RNLS: variants seen among roughly 807,000 people sequenced by gnomAD.
RNLS encodes the protein renalase, FAD dependent amine oxidase.
A neutral mutation model predicts 39.8 loss-of-function variants in RNLS; 39 were observed. The observed-to-expected ratio is 0.98, with a 90% CI of 0.76 to 1.28. RNLS has a LOEUF of 1.28. Ranked by LOEUF, RNLS falls within the 50% of genes most tolerant of loss-of-function variation. RNLS has a pLI of 0.00. For missense variants in RNLS, 410 were observed against 413.3 expected (o/e 0.99, Z 0.07); for synonymous variants, 147 against 150.7 (o/e 0.98, Z 0.18).
At chr10:88,579,508 G>A (rs1413279750) in intron 3 of RNLS, among the ~76,000 whole-genome samples, 2 of 152,166 alleles carry the variant, frequency 1.3e-5, no homozygotes, top group East Asian at 1.9e-4. Flanking sequence ...AGGAGGGCAG[G>A]AGAAGGTCAG....
intron 5 of RNLS, among the ~76,000 whole-genome samples, chr10:88,320,818 A>G (rs1337790380): frequency 6.7e-6 from 1 of 149,340 alleles, no homozygotes; most frequent in Non-Finnish European, 1.5e-5. Context: ...TACTAGACCT[A>G]AAGAGAAGAG....
intron 4 of RNLS, among the ~76,000 whole-genome samples, chr10:88,458,268 G>T (rs1842750209): frequency 1.3e-5 from 2 of 152,236 alleles, no homozygotes; most frequent in Admixed American, 1.3e-4. Context: ...ATGTGTGGCA[G>T]AAGCATAGCA....
chr10:88,459,417 C>T (rs1842818657), intron 4 of RNLS, among the ~76,000 whole-genome samples: 2 of 152,014 alleles, frequency 1.3e-5, no homozygotes, highest in Non-Finnish European at 1.5e-5. Flanking sequence ...AATACTGGGG[C>T]TGAGAAAGAG....
chr10:88,316,747 T>G (rs1347910970), intron 5 of RNLS, among the ~76,000 whole-genome samples: 1 of 152,162 alleles, frequency 6.6e-6, no homozygotes, highest in Non-Finnish European at 1.5e-5. Flanking sequence ...AGACCTAAAG[T>G]GAAATAGTTC....
At chr10:88,553,418 A>C (rs542339602) in intron 4 of RNLS, among the ~76,000 whole-genome samples, 3 of 152,144 alleles carry the variant, frequency 2.0e-5, no homozygotes, top group Admixed American at 2.0e-4. Context: ...CTTGGCCTCA[A>C]TAGAAGGTTG....
Position 88,581,602 on chromosome 10 carries a change from A to G in RNLS, c.332T>C (p.Ile111Thr), listed in dbSNP as rs140158928. 7,639 of 1,606,080 alleles carry G rather than the reference A, an allele frequency of 4.8e-3. 24 individuals are homozygous for G. The highest frequency in any genetic ancestry group is 5.7e-3 in the Non-Finnish European group (6,732 of 1,176,446). Residue 111 changes from isoleucine to threonine, a missense_variant, in exon 3 of 7, where the codon ATT (isoleucine) becomes ACT (threonine). By Grantham distance (89) the Ile-to-Thr change is moderately conservative (BLOSUM62 -1). Coordinates refer to ENST00000331772, the MANE Select transcript of RNLS (RefSeq NM_001031709.3). ...CAAGTAATGCTTAATAATTGAAGAA[A>G]TTCCTTGAGGTGCCACAAAGTTACA... ...GDCNFVAPQG[I>T]SSIIKHYLKE...
chr10:88,172,868 T>G, the RNLS span, among the ~76,000 whole-genome samples: 1 of 103,652 alleles, frequency 9.6e-6, no homozygotes. Context: ...TTTTTTTTTT[T>G]TTTTTTTAGA....
chr10:88,327,202 T>C (rs1476506923), intron 5 of RNLS, among the ~76,000 whole-genome samples: 1 of 152,072 alleles, frequency 6.6e-6, no homozygotes, highest in Non-Finnish European at 1.5e-5. Context: ...TGGAAAGGCA[T>C]GATTGTGTTT....
At chr10:88,504,397 C>T (rs749583303) in intron 4 of RNLS, among the ~76,000 whole-genome samples, 2 of 151,746 alleles carry the variant, frequency 1.3e-5, no homozygotes, top group Non-Finnish European at 2.9e-5. Context: ...GAATAATACG[C>T]CTCTTTTGTA....
intron 4 of RNLS, among the ~76,000 whole-genome samples, chr10:88,394,451 C>G (rs1456497201): frequency 6.6e-6 from 1 of 152,206 alleles, no homozygotes; most frequent in Non-Finnish European, 1.5e-5. Context: ...AAATGCTCAT[C>G]ATCACTGGCC....
At chr10:88,548,282 A>G (rs1368182212) in intron 4 of RNLS, among the ~76,000 whole-genome samples, 2 of 137,000 alleles carry the variant, frequency 1.5e-5, no homozygotes, top group Non-Finnish European at 1.6e-5. Context: ...AAAAAAAAAA[A>G]AAAAAAAAAA....
chr10:88,505,234 G>A (rs1221151391), intron 4 of RNLS, among the ~76,000 whole-genome samples: 1 of 151,566 alleles, frequency 6.6e-6, no homozygotes, highest in Non-Finnish European at 1.5e-5. Flanking sequence ...AATAGCTATG[G>A]CATCATCTGA....
the RNLS span, among the ~76,000 whole-genome samples, chr10:88,179,119 A>G: frequency 6.6e-6 from 1 of 152,234 alleles, no homozygotes; most frequent in African/African-American, 2.4e-5. Context: ...AAACACAATA[A>G]ATAAATTATG....
chr10:88,330,664 T>A (rs914345013), intron 5 of RNLS, among the ~76,000 whole-genome samples: 3 of 152,128 alleles, frequency 2.0e-5, no homozygotes, highest in Non-Finnish European at 4.4e-5. Flanking sequence ...CCAATAAACT[T>A]GATCAAGTTG....
chr10:88,210,884 CG>C, the RNLS span, among the ~76,000 whole-genome samples: 1 of 152,056 alleles, frequency 6.6e-6, no homozygotes, highest in East Asian at 1.9e-4. Context: ...CTGGGTGAGG[CG>C]AGTCCCAGTG....
chr10:88,355,577 C>T (rs1035336095), intron 5 of RNLS, among the ~76,000 whole-genome samples: 7 of 152,094 alleles, frequency 4.6e-5, no homozygotes, highest in African/African-American at 1.7e-4. Context: ...GTGGAGGTTT[C>T]GTCTCAGCAG....
At chr10:88,392,085 G>A (rs1183147595) in intron 4 of RNLS, among the ~76,000 whole-genome samples, 1 of 152,226 alleles carries the variant, frequency 6.6e-6, no homozygotes, top group African/African-American at 2.4e-5. Flanking sequence ...TTGACTTAGA[G>A]TTCACCCAAT....
At chr10:88,321,740 G>T (rs1263081385) in intron 5 of RNLS, among the ~76,000 whole-genome samples, 2 of 151,728 alleles carry the variant, frequency 1.3e-5, no homozygotes, top group African/African-American at 4.8e-5. Flanking sequence ...TCACAAGATT[G>T]AATCAAGATG....
chr10:88,570,465 G>A (rs1053322349), intron 4 of RNLS, among the ~76,000 whole-genome samples: 4 of 152,218 alleles, frequency 2.6e-5, no homozygotes, highest in African/African-American at 9.6e-5. Context: ...CACTCAATTC[G>A]CAAATATTAA....
Sources: gnomAD v4.1 joint callset for allele counts (sites outside exome capture counted in the v4.1 genomes callset) on GRCh38, gnomAD v4.1.1 for gene constraint, MANE v1.5 for transcripts, NCBI Gene and HGNC (gene_info 2026-07-23, HGNC 2026-07-21) for gene names.